DMKN: variants seen among roughly 807,000 people sequenced by gnomAD.
DMKN encodes the protein epidermis-specific secreted protein SK30/SK89.
In DMKN, 58 loss-of-function variants were observed where a neutral mutation model predicts 67.6. The observed-to-expected ratio is 0.86, with a 90% CI of 0.69 to 1.07. DMKN has a LOEUF of 1.07. Ranked by LOEUF, DMKN falls within the 50% of genes least tolerant of loss-of-function variation. The probability of loss-of-function intolerance (pLI) is 0.00; values close to 1 mark genes in which losing one functional copy is unlikely to be tolerated. For synonymous variants in DMKN, 240 were observed against 232.3 expected, an observed-to-expected ratio of 1.03 and a Z score of -0.30; for missense variants, 596 against 601.5, an observed-to-expected ratio of 0.99 and a Z score of 0.10.
At chr19:35,505,263 C>T (rs2069236059) in intron 9 of DMKN, among the ~76,000 whole-genome samples, 1 of 152,124 alleles carries the variant, frequency 6.6e-6, no homozygotes, top group Non-Finnish European at 1.5e-5. Context: ...TGCGCCCCAG[C>T]TGTGTTTTTG....
At position 35,509,977 on chromosome 19, in the gene DMKN, AG is replaced by A. The variant is rs1568625040; in HGVS notation, c.988-17del. The A allele has an allele frequency of 6.2e-7, 1 of 1,613,986 alleles. No homozygotes were observed. Among genetic ancestry groups the A allele is most frequent in the South Asian group, 1.1e-5 (1 of 91,076 alleles). On this transcript the variant is annotated splice_polypyrimidine_tract_variant and intron_variant, in intron 6 of 15. Coordinates refer to ENST00000339686, the MANE Select transcript of DMKN (RefSeq NM_033317.5). Reference sequence around the variant, plus strand: ...GCTTTTCACACTGCCGGGGAGAGAAAGGGGAGACTTTCCCTCAGTCCCCTCC... The same window carrying A: ...GCTTTTCACACTGCCGGGGAGAGAAAGGGAGACTTTCCCTCAGTCCCCTCC...
chr19:35,512,370 G>C, intron 3 of DMKN, 51 bp downstream of exon 3: 1 of 1,601,516 alleles, frequency 6.2e-7, no homozygotes, highest in African/African-American at 1.3e-5. Context: ...CCAGCTCTCT[G>C]TAGCCTGCAC....
intron 13 of DMKN, 155 bp downstream of exon 13, chr19:35,499,803 G>A (rs749323088): frequency 2.4e-5 from 17 of 700,714 alleles, no homozygotes; most frequent in South Asian, 5.5e-5. Flanking sequence ...CAGGGAACCC[G>A]AGTCTCCCTT....
intron 8 of DMKN, 67 bp from the exon 9 acceptor site, chr19:35,505,832 G>A (rs2069378834): frequency 5.0e-6 from 8 of 1,613,460 alleles, no homozygotes; most frequent in African/African-American, 1.3e-5. Flanking sequence ...GAGAGGTCAA[G>A]GGCCACTGCT....
intron 10 of DMKN, 57 bp from the exon 11 acceptor site, chr19:35,502,240 A>C: frequency 6.3e-7 from 1 of 1,577,278 alleles, no homozygotes. Context: ...GGGGTGGTCT[A>C]TGCAGCAAAT....
In DMKN at chr19:35,509,937, G is replaced by A; in HGVS notation, c.1012C>T (p.Arg338Cys). ...TGAATCCCAGATTCCCCGCTCCCGCGGGCTTCATTCCCTGGCTTTTCACAC... is the reference window on the plus strand; with the variant it reads ...TGAATCCCAGATTCCCCGCTCCCGCAGGCTTCATTCCCTGGCTTTTCACAC... The part of the protein sequence containing the change: ...PGCEKPGNEA[R>C]GSGESGIQNS... The change falls in exon 7 of 16, where the codon CGC becomes TGC. Residue 338 changes from arginine to cysteine, a missense_variant. Arg to Cys is a radical substitution (Grantham distance 180). Coordinates refer to ENST00000339686, the MANE Select transcript of DMKN (RefSeq NM_033317.5). 1 of 1,614,158 alleles carries A rather than the reference G, an allele frequency of 6.2e-7. No homozygotes were observed. Among genetic ancestry groups the A allele is most frequent in the Non-Finnish European group, 8.5e-7 (1 of 1,180,024 alleles).
intron 12 of DMKN, 45 bp from the exon 13 acceptor site, chr19:35,500,074 C>T (rs779831574): frequency 7.5e-6 from 12 of 1,606,160 alleles, no homozygotes; most frequent in African/African-American, 6.7e-5. Context: ...CGGACGAAGG[C>T]CATTTTGCTC....
intron 13 of DMKN, chr19:35,499,385 A>T (rs1278596818): frequency 5.4e-6 from 1 of 185,468 alleles, no homozygotes. Flanking sequence ...TTGTCAGCCA[A>T]ATTTGTACTT....
chr19:35,498,438 G>A, intron 15 of DMKN: 2 of 515,960 alleles, frequency 3.9e-6, no homozygotes, highest in East Asian at 3.4e-5. Context: ...CAAACTCCCA[G>A]ACTCAAGTGA....
At chr19:35,499,577 T>G (rs983746352) in intron 13 of DMKN, among the ~76,000 whole-genome samples, 1 of 152,166 alleles carries the variant, frequency 6.6e-6, no homozygotes, top group African/African-American at 2.4e-5. Context: ...CCATTCCATC[T>G]TCCCCCGCAA....
At chr19:35,504,458 A>G (rs994936655) in intron 9 of DMKN, among the ~76,000 whole-genome samples, 9 of 151,568 alleles carry the variant, frequency 5.9e-5, no homozygotes, top group African/African-American at 2.2e-4. Flanking sequence ...GCACCTGTAA[A>G]CTCAGCTACT....
chr19:35,501,488 TC>T (rs2068351296), intron 11 of DMKN, among the ~76,000 whole-genome samples: 1 of 152,140 alleles, frequency 6.6e-6, no homozygotes, highest in Non-Finnish European at 1.5e-5. Context: ...CGCCTCGACC[TC>T]CCCCTTTGCA....
At chr19:35,500,233 A>C (rs1334382793) in intron 12 of DMKN, 2 of 1,286,858 alleles carry the variant, frequency 1.6e-6, no homozygotes, top group Admixed American at 4.3e-5. Context: ...TCCTAGCCCA[A>C]ATGGCCGCCG....
At position 35,508,132 on chromosome 19, in the gene DMKN, G is replaced by T. The variant is rs1289288193; in HGVS notation, c.1038+1779C>A. On this transcript the variant is annotated intron_variant, in intron 7 of 15. Coordinates refer to ENST00000339686, the MANE Select transcript of DMKN (RefSeq NM_033317.5). The stretch of plus-strand genomic sequence containing the variant: ...GTGGGACCACCTGTCTGCCAGTATT[G>T]CTCCTGGAGAACAGACCTCTACCCC... 1.5e-5 allele frequency: 23 copies of T among 1,534,358 alleles called. No individual in the cohort carries two copies. In the Admixed American group the frequency reaches 1.6e-4, roughly 11 times the overall value.
At chr19:35,509,990 C>T (rs2070417364) in intron 6 of DMKN, 29 bp from the exon 7 acceptor site, 2 of 1,613,644 alleles carry the variant, frequency 1.2e-6, no homozygotes, top group African/African-American at 1.3e-5. Context: ...GGAGACTTTC[C>T]CTCAGTCCCC....
chr19:35,512,587 T>C lies in DMKN; in HGVS notation c.627+3A>G. ...CAGGTAGCAGGTCTGGGGGTGACTT[T>C]ACCTGAGTGTTGGTCCCAAAGTTTG... On this transcript the variant is annotated splice_donor_region_variant and intron_variant, in intron 2 of 15. Coordinates refer to ENST00000339686, the MANE Select transcript of DMKN (RefSeq NM_033317.5). The C allele has an allele frequency of 2.5e-6, 4 of 1,614,144 alleles. No individual in the cohort carries two copies. Among genetic ancestry groups the C allele is most frequent in the Non-Finnish European group, 3.4e-6 (4 of 1,179,996 alleles).
intron 14 of DMKN, 31 bp from the exon 15 acceptor site, chr19:35,498,794 A>C: frequency 6.2e-7 from 1 of 1,614,178 alleles, no homozygotes; most frequent in African/African-American, 1.3e-5. Flanking sequence ...CTGAGTGGCC[A>C]CCACAGGGTC....
chr19:35,513,495 T>C lies in DMKN; in HGVS notation c.-20A>G. On this transcript the variant is annotated 5_prime_UTR_variant, in exon 1 of 16. Transcript: ENST00000339686. ...CTTCATCTCTGCCCAGCCCCCTCTC[T>C]CTCCAGAGTGTCTTCCTCCCACCAG... 6.3e-7 allele frequency: 1 copy of C among 1,582,738 alleles called. No homozygotes were observed. Among genetic ancestry groups the C allele is most frequent in the Non-Finnish European group, 8.5e-7 (1 of 1,172,956 alleles).
At chr19:35,501,981 C>A (rs888845484) in intron 11 of DMKN, 155 bp downstream of exon 11, 2 of 1,543,592 alleles carry the variant, frequency 1.3e-6, no homozygotes, top group East Asian at 4.8e-5. Flanking sequence ...CAGTGACTCA[C>A]GGCTTCTCCC....
Sources: gnomAD v4.1 joint callset for allele counts (sites outside exome capture counted in the v4.1 genomes callset) on GRCh38, gnomAD v4.1.1 for gene constraint, MANE v1.5 for transcripts, NCBI Gene and HGNC (gene_info 2026-07-23, HGNC 2026-07-21) for gene names.